F2R: variants seen among roughly 807,000 people sequenced by gnomAD.
F2R encodes proteinase-activated receptor 1.
Under a neutral mutation model 18.3 loss-of-function variants are expected in F2R, and 12 were observed. The ratio of observed to expected loss-of-function variants is 0.66; its 90% CI spans 0.42 to 1.06. The LOEUF (loss-of-function observed/expected upper bound fraction) is 1.06, where lower values mean the gene tolerates loss of function less well. F2R is among the 50% of genes least tolerant of loss of function. F2R has a pLI of 0.00. For missense variants in F2R, 438 were observed against 530.8 expected, an observed-to-expected ratio of 0.83 and a Z score of 1.72; for synonymous variants, 210 against 219.9, an observed-to-expected ratio of 0.95 and a Z score of 0.40.
At chr5:76,721,847 A>C (rs1748462042) in intron 1 of F2R, among the ~76,000 whole-genome samples, 3 of 150,164 alleles carry the variant, frequency 2.0e-5, no homozygotes, top group African/African-American at 5.1e-5. Flanking sequence ...AACAGTGCTC[A>C]CCTTTACTGC....
At position 76,718,478 on chromosome 5, in the gene F2R, T is replaced by C. The variant is rs1036325198; in HGVS notation, c.88+2083T>C. Among the ~76,000 whole-genome samples the C allele has an allele frequency of 3.3e-5, 5 of 152,350 alleles. No homozygotes were observed. The South Asian group carries it at 8.3e-4, about 25-fold the overall frequency. ...ATTGTCCAGGATTACCAGCTCTGTG[T>C]GCCAAGAGGGGCGGTGAAGCCCTCC... is the stretch of plus-strand genomic sequence containing the variant. On this transcript the variant is annotated intron_variant, in intron 1 of 1. Transcript: ENST00000319211.
At chr5:76,727,764 T>A (rs920334194) in intron 1 of F2R, among the ~76,000 whole-genome samples, 10 of 134,252 alleles carry the variant, frequency 7.4e-5, no homozygotes, top group African/African-American at 2.3e-4. Flanking sequence ...AATATTTTTC[T>A]TTTTTTTTTT....
intron 1 of F2R, among the ~76,000 whole-genome samples, chr5:76,730,367 A>G (rs994088215): frequency 1.3e-5 from 2 of 152,158 alleles, no homozygotes; most frequent in Non-Finnish European, 2.9e-5. Context: ...GATTGCCCTG[A>G]ACTCTGTCCT....
intron 1 of F2R, among the ~76,000 whole-genome samples, chr5:76,728,379 C>T (rs1371952011): frequency 1.3e-5 from 2 of 152,322 alleles, no homozygotes; most frequent in Admixed American, 6.5e-5. Flanking sequence ...CTACTAACCA[C>T]CATTCTCTTC....
intron 1 of F2R, among the ~76,000 whole-genome samples, chr5:76,730,343 T>A (rs1188371193): frequency 1.3e-5 from 2 of 152,220 alleles, no homozygotes; most frequent in African/African-American, 4.8e-5. Flanking sequence ...CTCTCCTAAC[T>A]TTCCAGTGAC....
rs1359283106 is a variant in F2R, at chr5:76,733,743, A to T, written c.*240A>T. ...TTGCCAATGCTACAGTAATAAATGA[A>T]TGTCACTTCTGGATATAGCTAGGTG... On this transcript the variant is annotated 3_prime_UTR_variant, in exon 2 of 2. Transcript: ENST00000319211. The T allele has an allele frequency of 1.9e-5, 10 of 513,762 alleles. No homozygotes were observed. The highest frequency in any genetic ancestry group is 5.3e-4 in the Middle Eastern group (1 of 1,904). The allele number at this position is 513,762 out of a possible 1,614,324, so 31.8% of individuals were successfully genotyped here. A position where few individuals can be genotyped will look rare whatever the true frequency, so the allele number is the denominator to read the frequency against.
In F2R at chr5:76,733,831, G is replaced by A. The variant is rs1051354862; in HGVS notation, c.*328G>A. 12 of 260,206 alleles carry A rather than the reference G, an allele frequency of 4.6e-5. No homozygotes were observed. The East Asian group carries it at 1.0e-3, about 22-fold the overall frequency. 16.1% of individuals were successfully genotyped at this position (260,206 alleles called of 1,614,324 possible). ...TGCACACACATATATTATTTGCAGTGCAGTATAGAATAGGCACTTTAAAAC... is the reference window on the plus strand; with the variant it reads ...TGCACACACATATATTATTTGCAGTACAGTATAGAATAGGCACTTTAAAAC... On this transcript the variant is annotated 3_prime_UTR_variant, in exon 2 of 2. Transcript: ENST00000319211.
Position 76,733,059 on chromosome 5 carries a change from C to CT in F2R, c.840dup (p.Val281CysfsTer18), listed in dbSNP as rs1186532657. The CT allele has an allele frequency of 6.2e-7, 1 of 1,614,040 alleles. No individual in the cohort carries two copies. The highest frequency in any genetic ancestry group is 1.7e-5 in the Admixed American group (1 of 60,002). ...ACTTCTCAGCCTTCTCTGCTGTCTT[C>CT]TTTTTTGTGCCGCTGATCATTTCCA... On this transcript the variant is annotated frameshift_variant, in exon 2 of 2. Transcript: ENST00000319211. LOFTEE classifies it low-confidence loss of function (END_TRUNC).
At chr5:76,723,910 C>T (rs1270236197) in intron 1 of F2R, among the ~76,000 whole-genome samples, 3 of 152,152 alleles carry the variant, frequency 2.0e-5, no homozygotes, top group African/African-American at 7.2e-5. Context: ...CAAGTTTCCT[C>T]CTCTCCCAAC....
chr5:76,729,986 C>G (rs1346659723), intron 1 of F2R, among the ~76,000 whole-genome samples: 1 of 152,190 alleles, frequency 6.6e-6, no homozygotes, highest in Non-Finnish European at 1.5e-5. Context: ...CTTGCTCCTC[C>G]TTACCTTCTG....
intron 1 of F2R, among the ~76,000 whole-genome samples, chr5:76,723,159 T>C (rs1161473797): frequency 6.6e-6 from 1 of 152,178 alleles, no homozygotes; most frequent in Non-Finnish European, 1.5e-5. Flanking sequence ...CCAAAGTCAG[T>C]AGGACTCCAG....
chr5:76,735,739 C>T lies in F2R; in HGVS notation c.*2236C>T, dbSNP rs1419943425. On this transcript the variant is annotated 3_prime_UTR_variant, in exon 2 of 2. Coordinates refer to ENST00000319211, the MANE Select transcript of F2R (RefSeq NM_001992.5). Reference sequence around the variant, plus strand: ...TTATGTTCATTCTTAAAAACATAACCTGTATTAATAAATGTGAACATTTGC... The same window carrying T: ...TTATGTTCATTCTTAAAAACATAACTTGTATTAATAAATGTGAACATTTGC... 4 of 152,018 alleles carry T rather than the reference C, an allele frequency of 2.6e-5. No homozygotes were observed. Among genetic ancestry groups the T allele is most frequent in the African/African-American group, 7.3e-5 (3 of 41,376 alleles). 9.4% of individuals were successfully genotyped at this position (152,018 alleles called of 1,614,324 possible).
chr5:76,722,358 T>C (rs1461828045), intron 1 of F2R, among the ~76,000 whole-genome samples: 1 of 152,052 alleles, frequency 6.6e-6, no homozygotes, highest in East Asian at 1.9e-4. Flanking sequence ...CCTGGAGAAA[T>C]GGGGAAAGCC....
At chr5:76,716,983 C>A (rs1008439544) in intron 1 of F2R, among the ~76,000 whole-genome samples, 1 of 152,150 alleles carries the variant, frequency 6.6e-6, no homozygotes, top group African/African-American at 2.4e-5. Context: ...GTGACAATAG[C>A]AGAGGCTCCG....
intron 1 of F2R, chr5:76,716,636 G>A (rs764662048): frequency 1.3e-6 from 1 of 741,496 alleles, no homozygotes; most frequent in East Asian, 2.5e-5. Context: ...CTGCCACGGG[G>A]TGTTGGATAT....
chr5:76,721,185 T>C (rs1443126223), intron 1 of F2R, among the ~76,000 whole-genome samples: 1 of 152,236 alleles, frequency 6.6e-6, no homozygotes, highest in Non-Finnish European at 1.5e-5. Context: ...GAAGAGTTAT[T>C]AGGACTCAGG....
At chr5:76,725,000 G>A (rs1426936374) in intron 1 of F2R, among the ~76,000 whole-genome samples, 1 of 152,156 alleles carries the variant, frequency 6.6e-6, no homozygotes, top group African/African-American at 2.4e-5. Context: ...TTAGCCTGTA[G>A]TGTTGTTTCA....
In F2R at chr5:76,732,450, T is replaced by A; in HGVS notation, c.225T>A (p.Asn75Lys). The A allele has an allele frequency of 6.2e-7, 1 of 1,614,144 alleles. No individual in the cohort carries two copies. Among genetic ancestry groups the A allele is most frequent in the Non-Finnish European group, 8.5e-7 (1 of 1,180,024 alleles). ...CTGAATACAGATTAGTCTCCATCAA[T>A]AAAAGCAGTCCTCTTCAAAAACAAC... ...GLTEYRLVSI[N>K]KSSPLQKQLP... The change falls in exon 2 of 2, where the codon AAT becomes AAA. Residue 75 changes from asparagine to lysine, a missense_variant. Coordinates refer to ENST00000319211, the MANE Select transcript of F2R (RefSeq NM_001992.5).
rs561173605 is a variant in F2R, at chr5:76,731,239, A to C, written c.89-1075A>C. Reference sequence around the variant, plus strand: ...TGTGTAAGCAAACTAAAGACTGTAGAGGAAAACTACTGTCATGGACATTGG... The same window carrying C: ...TGTGTAAGCAAACTAAAGACTGTAGCGGAAAACTACTGTCATGGACATTGG... On this transcript the variant is annotated intron_variant, in intron 1 of 1. Transcript: ENST00000319211. Among the ~76,000 whole-genome samples the C allele has an allele frequency of 3.9e-5, 6 of 152,326 alleles. No individual in the cohort carries two copies. In the East Asian group the frequency reaches 1.2e-3, roughly 29 times the overall value.
Sources: allele counts gnomAD v4.1 joint callset (sites outside exome capture counted in the v4.1 genomes callset), GRCh38; gene constraint gnomAD v4.1.1; transcripts MANE v1.5; gene names NCBI Gene and HGNC (gene_info 2026-07-23, HGNC 2026-07-21).